The following FREM3 variants were observed in gnomAD, a reference collection of about 807,000 sequenced individuals.
The protein encoded by FREM3 is FRAS1 related extracellular matrix 3.
Under a neutral mutation model 129.1 loss-of-function variants are expected in FREM3, and 105 were observed. The observed-to-expected ratio is 0.81, with a 90% CI of 0.69 to 0.96. The LOEUF is 0.96. Ranked by LOEUF, FREM3 falls within the 40% of genes least tolerant of loss-of-function variation. FREM3 has a pLI of 0.00. For synonymous variants in FREM3, 1,014 were observed against 1,044.9 expected, an observed-to-expected ratio of 0.97 and a Z score of 0.57; for missense variants, 2,593 against 2,666.3, an observed-to-expected ratio of 0.97 and a Z score of 0.61.
chr4:143,582,266 G>A (rs1236947607), intron 7 of FREM3, among the ~76,000 whole-genome samples: 1 of 152,096 alleles, frequency 6.6e-6, no homozygotes, highest in African/African-American at 2.4e-5. Flanking sequence ...GGTAAGAGAG[G>A]AACCCACACT....
chr4:143,660,276 G>T (rs1344934559), intron 2 of FREM3, among the ~76,000 whole-genome samples: 1 of 151,898 alleles, frequency 6.6e-6, no homozygotes, highest in Non-Finnish European at 1.5e-5. Context: ...TGTAAGGAAG[G>T]GATCCAGTTT....
intron 6 of FREM3, among the ~76,000 whole-genome samples, chr4:143,605,097 A>G (rs542623151): frequency 2.1e-4 from 32 of 152,332 alleles, no homozygotes; most frequent in African/African-American, 7.7e-4. Flanking sequence ...CTACCTGTTA[A>G]GAGTCTACTA....
chr4:143,588,427 T>C lies in FREM3; in HGVS notation c.6029-2434A>G, dbSNP rs1482946160. 3.3e-5 allele frequency among the ~76,000 whole-genome samples: 5 copies of C among 150,312 alleles called. No homozygotes were observed. In the Admixed American group the frequency reaches 3.3e-4, roughly 10 times the overall value. ...CCCCACAACAGGCCCCAGTGTGTGA[T>C]GTTCTCCTTCCTGTGTCCATGTGTT... On this transcript the variant is annotated intron_variant, in intron 6 of 7. Coordinates refer to ENST00000329798, the MANE Select transcript of FREM3 (RefSeq NM_001168235.2).
At chr4:143,678,871 T>C (rs1740197694) in intron 2 of FREM3, among the ~76,000 whole-genome samples, 1 of 149,860 alleles carries the variant, frequency 6.7e-6, no homozygotes, top group South Asian at 2.1e-4. Context: ...TGATGAACTG[T>C]ATTTCAAGTA....
At chr4:143,671,702 T>C (rs1487903144) in intron 2 of FREM3, among the ~76,000 whole-genome samples, 1 of 152,186 alleles carries the variant, frequency 6.6e-6, no homozygotes, top group African/African-American at 2.4e-5. Flanking sequence ...CTGGAAATCA[T>C]CCCACTTTTG....
At chr4:143,661,959 A>G (rs1006189276) in intron 2 of FREM3, among the ~76,000 whole-genome samples, 2 of 151,434 alleles carry the variant, frequency 1.3e-5, no homozygotes, top group South Asian at 4.2e-4. Context: ...TTTTTATTGC[A>G]TCTATTTGAT....
At position 143,621,079 on chromosome 4, in the gene FREM3, C is replaced by T; in HGVS notation, c.5737G>A (p.Asp1913Asn). 1 of 1,537,232 alleles carries T rather than the reference C, an allele frequency of 6.5e-7. No homozygotes were observed. ...ELLIPVRRSG[D>N]ASQELIVICS... Reference sequence around the variant, plus strand: ...ATGACGATTAGTTCCTGGCTTGCATCTCCAGATCGTCTTACTGGAATCAAA... The same window carrying T: ...ATGACGATTAGTTCCTGGCTTGCATTTCCAGATCGTCTTACTGGAATCAAA... The change falls in exon 5 of 8, where the codon GAT (aspartate) becomes AAT (asparagine). Residue 1913 changes from aspartate to asparagine, a missense_variant. By Grantham distance (23) the Asp-to-Asn change is conservative. Transcript: ENST00000329798.
chr4:143,599,897 C>T (rs933359760), intron 6 of FREM3, among the ~76,000 whole-genome samples: 21 of 152,164 alleles, frequency 1.4e-4, no homozygotes, highest in Non-Finnish European at 2.9e-5. Context: ...CAGCTATCCA[C>T]ACATGAAATG....
chr4:143,621,176 C>T lies in FREM3; in HGVS notation c.5654-14G>A, dbSNP rs1738943215. On this transcript the variant is annotated splice_polypyrimidine_tract_variant and intron_variant, in intron 4 of 7. Transcript: ENST00000329798. ...AAACTGTTGATTCTAGAAAAGATGG[C>T]AGAAGACTTTTCACCAAGATTTAGA... 1 of 1,536,486 alleles carries T rather than the reference C, an allele frequency of 6.5e-7. No homozygotes were observed. The highest frequency in any genetic ancestry group is 1.4e-5 in the African/African-American group (1 of 73,098).
At chr4:143,648,607 C>T (rs549953240) in intron 2 of FREM3, among the ~76,000 whole-genome samples, 27 of 152,314 alleles carry the variant, frequency 1.8e-4, no homozygotes, top group South Asian at 1.0e-3. Context: ...CTTTGCTTGA[C>T]GCTCACTTCT....
chr4:143,624,307 T>C lies in FREM3; in HGVS notation c.5454A>G (p.Lys1818=). 1 of 1,536,356 alleles carries C rather than the reference T, an allele frequency of 6.5e-7. No individual in the cohort carries two copies. The highest frequency in any genetic ancestry group is 8.7e-7 in the Non-Finnish European group (1 of 1,146,214). ...TGGTCTTCCATTTGAAATCTTTGTC[T>C]TTTTTTGCAGTTTCATCTTTGGTAC... ...SIGTKDETAK[K]DKDFKWKTNK... is the part of the protein sequence containing the mutation. Residue 1818 remains lysine, a synonymous_variant, in exon 4 of 8, where the codon AAA becomes AAG. Transcript: ENST00000329798.
intron 6 of FREM3, among the ~76,000 whole-genome samples, chr4:143,588,253 A>G (rs924772785): frequency 6.6e-6 from 1 of 151,782 alleles, no homozygotes; most frequent in African/African-American, 2.4e-5. Flanking sequence ...TTTTTTTATT[A>G]TTATTATACT....
In FREM3 at chr4:143,699,464, C is replaced by T. The variant is rs1740650179; in HGVS notation, c.1212G>A (p.Leu404=). The T allele has an allele frequency of 6.5e-7, 1 of 1,537,312 alleles. No individual in the cohort carries two copies. Among genetic ancestry groups the T allele is most frequent in the Non-Finnish European group, 8.7e-7 (1 of 1,146,924 alleles). Residue 404 remains leucine, a synonymous_variant, in exon 1 of 8, where the codon CTG becomes CTA. Transcript: ENST00000329798. The surrounding 1 kb of genome is among the most constrained non-coding windows in gnomAD (Gnocchi z 4.2). The part of the protein sequence containing the change: ...ENSHGERLFQ[L]ELEVVDGDGA... ...CGTCTCCGTCCACCACCTCCAGCTC[C>T]AGCTGAAAGAGGCGCTCCCCATGGG...
chr4:143,582,920 T>A (rs1019163094), intron 7 of FREM3, among the ~76,000 whole-genome samples: 35 of 151,924 alleles, frequency 2.3e-4, no homozygotes, highest in Middle Eastern at 3.4e-3. Context: ...TGAGATGGGT[T>A]TGAACTCTGT....
At chr4:143,623,741 A>G (rs1578839396) in intron 4 of FREM3, among the ~76,000 whole-genome samples, 1 of 152,236 alleles carries the variant, frequency 6.6e-6, no homozygotes, top group African/African-American at 2.4e-5. Context: ...AGGACAATGG[A>G]TATCTAAGTC....
At position 143,667,879 on chromosome 4, in the gene FREM3, C is replaced by A. The variant is rs886141392; in HGVS notation, c.5275+25234G>T. ...TAGCAGAGTTTTCTGATGTTCTTAGCTTTTTTTGAGTAAACATCATAACAA... is the reference window on the plus strand; with the variant it reads ...TAGCAGAGTTTTCTGATGTTCTTAGATTTTTTTGAGTAAACATCATAACAA... On this transcript the variant is annotated intron_variant, in intron 2 of 7. Transcript: ENST00000329798. 3.3e-5 allele frequency among the ~76,000 whole-genome samples: 5 copies of A among 152,104 alleles called. No individual in the cohort carries two copies. The East Asian group carries it at 9.6e-4, about 29-fold the overall frequency.
At chr4:143,593,822 T>C (rs1738413634) in intron 6 of FREM3, among the ~76,000 whole-genome samples, 2 of 152,226 alleles carry the variant, frequency 1.3e-5, no homozygotes, top group Admixed American at 1.3e-4. Flanking sequence ...GTCTGTGCCC[T>C]GCCTCCAGAG....
chr4:143,674,096 G>A (rs1488145866), intron 2 of FREM3, among the ~76,000 whole-genome samples: 1 of 152,144 alleles, frequency 6.6e-6, no homozygotes, highest in Admixed American at 6.5e-5. Flanking sequence ...TGCACCCACT[G>A]TCCAGCACCC....
chr4:143,579,550 T>C (rs1480301400), intron 7 of FREM3, among the ~76,000 whole-genome samples: 1 of 152,196 alleles, frequency 6.6e-6, no homozygotes, highest in Admixed American at 6.5e-5. Context: ...CAAATCTTGG[T>C]TTATTGCTTA....
Sources: gnomAD v4.1 joint callset for allele counts (sites outside exome capture counted in the v4.1 genomes callset) on GRCh38, gnomAD v4.1.1 for gene constraint, Gnocchi (gnomAD v3.1) non-coding constraint, MANE v1.5 for transcripts, NCBI Gene and HGNC (gene_info 2026-07-23, HGNC 2026-07-21) for gene names.